The following CLASP1 variants were observed in gnomAD, a reference collection of about 807,000 sequenced individuals.
The protein encoded by CLASP1 is cytoplasmic linker associated protein 1.
A neutral mutation model predicts 192.3 loss-of-function variants in CLASP1; 38 were observed. The ratio of observed to expected loss-of-function variants is 0.20; its 90% CI spans 0.15 to 0.26. The LOEUF is 0.26. Among genes scored for constraint, CLASP1 ranks in the 10% least tolerant of loss-of-function variants. The pLI, the probability that CLASP1 is intolerant of heterozygous loss-of-function variation, is 1.00. For missense variants in CLASP1, 1,433 were observed against 1,932.5 expected, an observed-to-expected ratio of 0.74 and a Z score of 4.85; for synonymous variants, 691 against 712.8, an observed-to-expected ratio of 0.97 and a Z score of 0.49.
At chr2:121,384,122 A>T (rs1346498510) in intron 32 of CLASP1, among the ~76,000 whole-genome samples, 1 of 137,100 alleles carries the variant, frequency 7.3e-6, no homozygotes, top group African/African-American at 2.7e-5. Context: ...ATATATATAC[A>T]CACATATATA....
At chr2:121,403,624 C>T (rs1403635594) in intron 26 of CLASP1, among the ~76,000 whole-genome samples, 2 of 152,170 alleles carry the variant, frequency 1.3e-5, no homozygotes, top group Non-Finnish European at 2.9e-5. Context: ...CTAAAAGCAT[C>T]TAATAGTCTC....
intron 22 of CLASP1, among the ~76,000 whole-genome samples, chr2:121,421,485 C>T (rs991666078): frequency 2.0e-5 from 3 of 152,076 alleles, no homozygotes; most frequent in African/African-American, 7.2e-5. Flanking sequence ...TGAGCTCAGG[C>T]AATCCACCCG....
Position 121,474,476 on chromosome 2 carries a change from C to T in CLASP1, c.713-4516G>A, listed in dbSNP as rs191318298. On this transcript the variant is annotated intron_variant, in intron 8 of 39. Transcript: ENST00000263710. Reference sequence around the variant, plus strand: ...AGGAGGCCAGGCGAGGTGGCTCACGCCTGTAATCCCAGCACTTTGGGCGGC... The same window carrying T: ...AGGAGGCCAGGCGAGGTGGCTCACGTCTGTAATCCCAGCACTTTGGGCGGC... Among the ~76,000 whole-genome samples, 111 of 152,292 alleles carry T rather than the reference C, an allele frequency of 7.3e-4. 1 individual carries two copies. The highest frequency in any genetic ancestry group is 2.5e-3 in the African/African-American group (102 of 41,558).
At position 121,352,203 on chromosome 2, in the gene CLASP1, C is replaced by T. The variant is rs142198222; in HGVS notation, c.4207-3485G>A. Among the ~76,000 whole-genome samples the T allele has an allele frequency of 7.5e-3, 1,150 of 152,342 alleles. 45 individuals carry two copies. Among genetic ancestry groups the T allele is most frequent in the Admixed American group, 0.062 (950 of 15,304 alleles). ...TGCAGAAGGCTTCTTTGGTGTTCTG[C>T]GGGCCTTCCTCCAGCTCAAGGGCCC... is the stretch of plus-strand genomic sequence containing the variant. On this transcript the variant is annotated intron_variant, in intron 37 of 39. Coordinates refer to ENST00000263710, the Ensembl canonical transcript of CLASP1.
chr2:121,488,069 G>A (rs1321667616), intron 8 of CLASP1, among the ~76,000 whole-genome samples: 1 of 152,032 alleles, frequency 6.6e-6, no homozygotes, highest in Non-Finnish European at 1.5e-5. Context: ...GAGATACACT[G>A]GCTCACCTTG....
chr2:121,518,891 A>G (rs540506347), intron 6 of CLASP1, among the ~76,000 whole-genome samples: 1 of 152,306 alleles, frequency 6.6e-6, no homozygotes, highest in South Asian at 2.1e-4. Flanking sequence ...AAAAAGAAAA[A>G]AAGAAAAATG....
At chr2:121,572,752 A>AT (rs34873757) in intron 2 of CLASP1, among the ~76,000 whole-genome samples, 37,549 of 151,260 alleles carry the variant, frequency 0.25, 7,362 homozygotes, top group African/African-American at 0.54. Context: ...ATATATGATA[A>AT]TTTTTTTTTA....
At chr2:121,410,926 C>A in exon 24 of CLASP1, 1 of 1,611,824 alleles carries the variant, frequency 6.2e-7, no homozygotes, top group Non-Finnish European at 8.5e-7. Context: ...TCATGGCATT[C>A]ACAGAACCAG....
chr2:121,403,779 T>A, intron 26 of CLASP1: 1 of 468,332 alleles, frequency 2.1e-6, no homozygotes, highest in African/African-American at 2.0e-5. Context: ...GCTGGGACTC[T>A]CTCATCAAAA....
intron 39 of CLASP1, among the ~76,000 whole-genome samples, chr2:121,346,463 CT>C (rs1430359003): frequency 6.6e-6 from 1 of 152,256 alleles, no homozygotes; most frequent in Admixed American, 6.5e-5. Flanking sequence ...TTTTCTTCCC[CT>C]GATTCCAGAC....
At chr2:121,454,848 A>G (rs1374076254) in intron 14 of CLASP1, among the ~76,000 whole-genome samples, 3 of 152,254 alleles carry the variant, frequency 2.0e-5, no homozygotes, top group Admixed American at 1.3e-4. Flanking sequence ...AATGAAAACA[A>G]CAGCAGCAAA....
At chr2:121,532,395 A>T (rs2094917531) in intron 2 of CLASP1, 1 of 152,228 alleles carries the variant, frequency 6.6e-6, no homozygotes, top group Non-Finnish European at 1.5e-5. Flanking sequence ...TATGAAGTGG[A>T]GGAGTAACTA....
intron 7 of CLASP1, among the ~76,000 whole-genome samples, chr2:121,507,008 G>T (rs1049671061): frequency 1.3e-5 from 2 of 152,138 alleles, no homozygotes; most frequent in Non-Finnish European, 2.9e-5. Context: ...TATTTCAAGT[G>T]TCCAGTTTCA....
Position 121,362,850 on chromosome 2 carries a change from A to G in CLASP1, c.4206+322T>C, listed in dbSNP as rs369990481. 1.8e-4 allele frequency among the ~76,000 whole-genome samples: 27 copies of G among 152,334 alleles called. No homozygotes were observed. In the South Asian group the frequency reaches 5.6e-3, roughly 32 times the overall value. On this transcript the variant is annotated intron_variant, in intron 37 of 39. Coordinates refer to ENST00000263710, the Ensembl canonical transcript of CLASP1. ...CTCCCACACCAGACTACCAGAGGCT[A>G]AATGCCAGAAAGCAGCAGCAGACCC...
intron 1 of CLASP1, among the ~76,000 whole-genome samples, chr2:121,623,990 A>G (rs957429022): frequency 6.6e-6 from 1 of 152,122 alleles, no homozygotes; most frequent in African/African-American, 2.4e-5. Context: ...TTTAATTTCC[A>G]TGTAAGGTCA....
chr2:121,452,539 C>T (rs2085706806), intron 14 of CLASP1, among the ~76,000 whole-genome samples: 1 of 152,178 alleles, frequency 6.6e-6, no homozygotes, highest in Admixed American at 6.5e-5. Context: ...TCCTGTAATC[C>T]CAGCACTTTA....
At chr2:121,412,495 G>A (rs2077882681) in intron 23 of CLASP1, among the ~76,000 whole-genome samples, 1 of 151,292 alleles carries the variant, frequency 6.6e-6, no homozygotes, top group African/African-American at 2.4e-5. Flanking sequence ...TTAAAAAAGG[G>A]TAGATAGTAG....
At chr2:121,604,855 T>C (rs2064225036) in intron 2 of CLASP1, among the ~76,000 whole-genome samples, 1 of 152,196 alleles carries the variant, frequency 6.6e-6, no homozygotes, top group Admixed American at 6.5e-5. Context: ...TCTATGTCTG[T>C]AAGCCCCTTT....
At chr2:121,456,023 G>A (rs1032894546) in intron 14 of CLASP1, among the ~76,000 whole-genome samples, 6 of 152,070 alleles carry the variant, frequency 3.9e-5, no homozygotes, top group African/African-American at 1.5e-4. Context: ...ACTACAGTTA[G>A]TAACAACATA....
Sources: gnomAD v4.1 joint callset for allele counts (sites outside exome capture counted in the v4.1 genomes callset) on GRCh38, gnomAD v4.1.1 for gene constraint, MANE v1.5 for transcripts, NCBI Gene and HGNC (gene_info 2026-07-23, HGNC 2026-07-21) for gene names.